TRIM66: variants seen among roughly 807,000 people sequenced by gnomAD.
The protein encoded by TRIM66 is tripartite motif containing 66.
TRIM66 carries 99 observed loss-of-function variants against 148.2 expected under a neutral mutation model. That is an observed-to-expected ratio of 0.67 (90% CI 0.57 to 0.79). TRIM66 has a LOEUF of 0.79. Among genes scored for constraint, TRIM66 ranks in the 30% least tolerant of loss-of-function variants. The pLI is 0.00. For synonymous variants in TRIM66, 616 were observed against 635.9 expected, an observed-to-expected ratio of 0.97 and a Z score of 0.47; for missense variants, 1,666 against 1,697.9, an observed-to-expected ratio of 0.98 and a Z score of 0.33.
intron 6 of TRIM66, among the ~76,000 whole-genome samples, chr11:8,655,510 C>T (rs1418114818): frequency 6.6e-6 from 1 of 152,026 alleles, no homozygotes; most frequent in Non-Finnish European, 1.5e-5. Context: ...AGGCCAGGCA[C>T]GGTGGCTCAT....
Position 8,624,907 on chromosome 11 carries a change from G to A in TRIM66, c.2632C>T (p.Pro878Ser), listed in dbSNP as rs1289084893. 7 of 1,551,682 alleles carry A rather than the reference G, an allele frequency of 4.5e-6. No individual in the cohort carries two copies. Among genetic ancestry groups the A allele is most frequent in the Non-Finnish European group, 6.1e-6 (7 of 1,146,976 alleles). Residue 878 changes from proline (P) to serine (S), a missense_variant, in exon 16 of 25, where the codon CCT becomes TCT. Around this residue, in one of 3 missense-constraint regions of TRIM66, gnomAD observed 1,431 missense variants for 1,412.4 expected, o/e 1.01. Coordinates refer to ENST00000646038, the MANE Select transcript of TRIM66 (RefSeq NM_001388022.1). The part of the protein sequence containing the change: ...QAMASLASDH[P>S]QAGPSLMSGH... ...GACATTAGGCTGGGCCCAGCCTGAG[G>A]GTGATCACTTGCCAGGCTTGCCATA...
chr11:8,617,626 G>A lies in TRIM66; in HGVS notation c.*318C>T, dbSNP rs547592630. The A allele has an allele frequency of 1.1e-4, 38 of 348,888 alleles. No homozygotes were observed. Among genetic ancestry groups the A allele is most frequent in the African/African-American group, 7.7e-4 (37 of 48,218 alleles). The allele number at this position is 348,888 out of a possible 1,614,324, so 21.6% of individuals were successfully genotyped here. ...TTAGACGGGTCTGCTTTCCCAGGCA[G>A]AAAAAAATTCACCAAGGAAAGTAGG... On this transcript the variant is annotated 3_prime_UTR_variant, in exon 25 of 25. Transcript: ENST00000646038.
intron 3 of TRIM66, among the ~76,000 whole-genome samples, chr11:8,675,257 C>G (rs1304925059): frequency 6.6e-6 from 1 of 152,232 alleles, no homozygotes; most frequent in Non-Finnish European, 1.5e-5. Flanking sequence ...ATGGAGGCAG[C>G]AAAAACTACC....
chr11:8,622,945 CT>C (rs1381734000), intron 17 of TRIM66, 69 bp from the exon 18 acceptor site: 1 of 1,298,186 alleles, frequency 7.7e-7, no homozygotes, highest in African/African-American at 1.5e-5. Flanking sequence ...TGCATATCTT[CT>C]ACTTATATCT....
chr11:8,664,411 A>G (rs896100731), intron 6 of TRIM66, among the ~76,000 whole-genome samples: 15 of 152,208 alleles, frequency 9.9e-5, no homozygotes, highest in African/African-American at 3.4e-4. Context: ...AAGTGCCACA[A>G]TGTCGATCGC....
At chr11:8,666,717 C>T (rs1395116288) in intron 6 of TRIM66, among the ~76,000 whole-genome samples, 1 of 152,162 alleles carries the variant, frequency 6.6e-6, no homozygotes, top group Admixed American at 6.5e-5. Flanking sequence ...AGGAATGACA[C>T]TCAGATGGCC....
intron 15 of TRIM66, among the ~76,000 whole-genome samples, chr11:8,630,971 T>C (rs1303724190): frequency 6.6e-6 from 1 of 152,164 alleles, no homozygotes; most frequent in Non-Finnish European, 1.5e-5. Context: ...GCCCTCTCTC[T>C]CTCCTCACTC....
intron 6 of TRIM66, among the ~76,000 whole-genome samples, chr11:8,658,007 A>C (rs2037980515): frequency 6.6e-6 from 1 of 152,214 alleles, no homozygotes; most frequent in Admixed American, 6.5e-5. Context: ...AGCGCCCAGG[A>C]ACACCCACCC....
chr11:8,633,668 AG>A (rs1191314773), intron 15 of TRIM66, among the ~76,000 whole-genome samples: 1 of 152,162 alleles, frequency 6.6e-6, no homozygotes, highest in Non-Finnish European at 1.5e-5. Context: ...CTAGGCTATG[AG>A]GAAAAGATTG....
chr11:8,620,973 A>C, intron 20 of TRIM66, 59 bp downstream of exon 20: 1 of 1,510,476 alleles, frequency 6.6e-7, no homozygotes, highest in Non-Finnish European at 8.9e-7. Flanking sequence ...GCCTGGAATA[A>C]TCATCCCTGG....
chr11:8,645,607 G>C, intron 12 of TRIM66, 134 bp downstream of exon 12: 1 of 1,027,198 alleles, frequency 9.7e-7, no homozygotes, highest in Non-Finnish European at 1.4e-6. Flanking sequence ...AGGATGGATG[G>C]AGCTGCTATG....
In TRIM66 at chr11:8,664,663, T is replaced by A. The variant is rs2038477026; in HGVS notation, c.340+7123A>T. 5.9e-5 allele frequency among the ~76,000 whole-genome samples: 9 copies of A among 152,276 alleles called. No individual in the cohort carries two copies. In the South Asian group the frequency reaches 1.7e-3, roughly 28 times the overall value. ...AGAACAAAAAGGGACAGATCACAAGTGAAAAAAGCCTTCTACCCAGGCTTT... is the reference window on the plus strand; with the variant it reads ...AGAACAAAAAGGGACAGATCACAAGAGAAAAAAGCCTTCTACCCAGGCTTT... On this transcript the variant is annotated intron_variant, in intron 6 of 24. Coordinates refer to ENST00000646038, the MANE Select transcript of TRIM66 (RefSeq NM_001388022.1).
chr11:8,628,612 CAAAA>C (rs750649249), intron 15 of TRIM66, among the ~76,000 whole-genome samples: 4 of 80,636 alleles, frequency 5.0e-5, no homozygotes, highest in Non-Finnish European at 7.8e-5. Flanking sequence ...GACCCTGTCT[CAAAA>C]AAAAAAAAAA....
In TRIM66 at chr11:8,641,054, G is replaced by A; in HGVS notation, c.1321C>T (p.Pro441Ser). The change falls in exon 14 of 25, where the codon CCA (proline) becomes TCA (serine). Residue 441 changes from proline to serine, a missense_variant. Pro to Ser is a moderately conservative substitution (Grantham distance 74). This residue lies in a region of TRIM66 where 1,431 missense variants were observed against 1,412.4 expected (regional missense o/e 1.01). Transcript: ENST00000646038. ...CTAAGAGCCTCTTGCTGAGCCACTG[G>A]AGACTGGTGGCTTTGATAAAAGGGT... ...SSPFYQSHQSPVAQQEALSHP... is the reference protein window; with the variant it reads ...SSPFYQSHQSSVAQQEALSHP... The A allele has an allele frequency of 6.4e-7, 1 of 1,551,710 alleles. No individual in the cohort carries two copies. The highest frequency in any genetic ancestry group is 2.0e-5 in the Admixed American group (1 of 51,008).
chr11:8,679,963 G>A lies in TRIM66; in HGVS notation c.-447C>T, dbSNP rs1412556705. On this transcript the variant is annotated 5_prime_UTR_variant, in exon 2 of 25. The change creates a new upstream start codon in the 5' untranslated region. Coordinates refer to ENST00000646038, the MANE Select transcript of TRIM66 (RefSeq NM_001388022.1). ...CTTCTGTGCTTCAGTTTTCACACAC[G>A]TAAAATGAGGCTGGTAGTGCTGTAC... The A allele has an allele frequency of 3.3e-5, 5 of 152,258 alleles. No individual in the cohort carries two copies. Among genetic ancestry groups the A allele is most frequent in the African/African-American group, 7.2e-5 (3 of 41,436 alleles). 9.4% of individuals were successfully genotyped at this position (152,258 alleles called of 1,614,324 possible).
chr11:8,630,690 T>C (rs2035308150), intron 15 of TRIM66, among the ~76,000 whole-genome samples: 1 of 152,186 alleles, frequency 6.6e-6, no homozygotes, highest in African/African-American at 2.4e-5. Flanking sequence ...CCAAACTGTG[T>C]GTCCCCGTCC....
intron 9 of TRIM66, 49 bp from the exon 10 acceptor site, chr11:8,648,135 G>C: frequency 6.8e-7 from 1 of 1,468,996 alleles, no homozygotes. Flanking sequence ...GTCCTACTTT[G>C]AGCATGCCAA....
At chr11:8,650,639 A>C (rs2037279423) in intron 7 of TRIM66, among the ~76,000 whole-genome samples, 1 of 152,194 alleles carries the variant, frequency 6.6e-6, no homozygotes, top group Non-Finnish European at 1.5e-5. Flanking sequence ...GATGGTACAC[A>C]TTAACTGAGT....
At chr11:8,666,320 C>T (rs997613668) in intron 6 of TRIM66, among the ~76,000 whole-genome samples, 2 of 80,380 alleles carry the variant, frequency 2.5e-5, no homozygotes, top group Admixed American at 4.2e-4. Flanking sequence ...GCCTGGGCAA[C>T]AAGAGCAAAA....
Sources: gnomAD v4.1 joint callset for allele counts (sites outside exome capture counted in the v4.1 genomes callset) on GRCh38, gnomAD v4.1.1 for gene constraint, gnomAD v4.1.1 regional missense constraint, MANE v1.5 for transcripts, NCBI Gene and HGNC (gene_info 2026-07-23, HGNC 2026-07-21) for gene names.